Variants in TBC1D22A observed in about 807,000 individuals in gnomAD.
TBC1D22A encodes TBC1 domain family member 22A.
A neutral mutation model predicts 60.2 loss-of-function variants in TBC1D22A; 38 were observed. That is an observed-to-expected ratio of 0.63 (90% CI 0.49 to 0.83). The LOEUF (loss-of-function observed/expected upper bound fraction) is 0.83. Among genes scored for constraint, TBC1D22A ranks in the 40% least tolerant of loss-of-function variants. TBC1D22A has a pLI of 0.00. For synonymous variants in TBC1D22A, 302 were observed against 281.7 expected, an observed-to-expected ratio of 1.07 and a Z score of -0.72; for missense variants, 628 against 701.0, an observed-to-expected ratio of 0.90 and a Z score of 1.18.
chr22:46,805,569 G>A (rs974509460), intron 4 of TBC1D22A, among the ~76,000 whole-genome samples: 1 of 152,178 alleles, frequency 6.6e-6, no homozygotes, highest in Non-Finnish European at 1.5e-5. Flanking sequence ...ACCAGGGCAG[G>A]CGTCTTCTTA....
At chr22:46,883,536 G>A (rs142411177) in intron 5 of TBC1D22A, among the ~76,000 whole-genome samples, 67 of 152,290 alleles carry the variant, frequency 4.4e-4, no homozygotes, top group African/African-American at 1.6e-3. Flanking sequence ...CGATGATGAC[G>A]TGCTTGCCTT....
chr22:46,957,195 T>C (rs183042435), intron 8 of TBC1D22A, among the ~76,000 whole-genome samples: 281 of 152,334 alleles, frequency 1.8e-3, no homozygotes, highest in African/African-American at 6.4e-3. Context: ...CCTCTTCACC[T>C]GGGCATACAG....
intron 4 of TBC1D22A, among the ~76,000 whole-genome samples, chr22:46,836,995 A>T (rs767114821): frequency 1.5e-5 from 1 of 65,752 alleles, no homozygotes; most frequent in African/African-American, 5.0e-5. Context: ...CTTGTCTCCT[A>T]AAAAAAAAAA....
At chr22:47,015,170 T>C (rs907892165) in intron 10 of TBC1D22A, among the ~76,000 whole-genome samples, 10 of 152,186 alleles carry the variant, frequency 6.6e-5, no homozygotes, top group African/African-American at 2.4e-4. Context: ...CAGCAAGTGA[T>C]AGTGTGTGAC....
chr22:47,171,708 G>A (rs1470943943), intron 12 of TBC1D22A, among the ~76,000 whole-genome samples: 3 of 152,202 alleles, frequency 2.0e-5, no homozygotes, highest in African/African-American at 4.8e-5. Context: ...TGTGGATGTG[G>A]GCGTGGTCAT....
chr22:46,864,393 C>A (rs1569147326), intron 4 of TBC1D22A, among the ~76,000 whole-genome samples: 2 of 152,180 alleles, frequency 1.3e-5, no homozygotes, highest in African/African-American at 4.8e-5. Context: ...CCAAAAGGCT[C>A]ATTTAACTCT....
At chr22:47,003,554 A>G in intron 10 of TBC1D22A, among the ~76,000 whole-genome samples, 1 of 145,578 alleles carries the variant, frequency 6.9e-6, no homozygotes, top group Non-Finnish European at 1.5e-5. Flanking sequence ...GCCTGTATAC[A>G]CACACCCTAC....
intron 12 of TBC1D22A, among the ~76,000 whole-genome samples, chr22:47,172,528 C>T (rs562789803): frequency 6.6e-6 from 1 of 152,190 alleles, no homozygotes; most frequent in South Asian, 2.1e-4. Flanking sequence ...ACATGCATGT[C>T]ATTCACCTTT....
chr22:46,970,318 A>C (rs769835162), intron 8 of TBC1D22A, among the ~76,000 whole-genome samples: 15 of 150,698 alleles, frequency 1.0e-4, no homozygotes, highest in Non-Finnish European at 2.1e-4. Context: ...CTCTGCTTTC[A>C]CCTGTGTATT....
intron 4 of TBC1D22A, among the ~76,000 whole-genome samples, chr22:46,869,699 T>A (rs1425056625): frequency 1.3e-5 from 2 of 152,244 alleles, no homozygotes; most frequent in Non-Finnish European, 2.9e-5. Flanking sequence ...CATGTAAGCC[T>A]AAGTGATTGC....
intron 11 of TBC1D22A, among the ~76,000 whole-genome samples, chr22:47,090,687 G>A (rs115496272): frequency 0.022 from 3,318 of 151,264 alleles, 112 homozygotes; most frequent in African/African-American, 0.075. Context: ...GGGTGGCTGC[G>A]TGTTGATAGA....
chr22:47,124,635 G>A (rs2066387529), intron 12 of TBC1D22A, among the ~76,000 whole-genome samples: 1 of 152,256 alleles, frequency 6.6e-6, no homozygotes, highest in Non-Finnish European at 1.5e-5. Context: ...GCCACAGGTG[G>A]CACCGAGGGG....
chr22:47,034,216 C>T (rs989157866), intron 10 of TBC1D22A, among the ~76,000 whole-genome samples: 4 of 152,208 alleles, frequency 2.6e-5, no homozygotes, highest in African/African-American at 4.8e-5. Context: ...TCTGGACCTG[C>T]ACTGCAGCCC....
At chr22:46,996,760 G>A (rs887904841) in intron 9 of TBC1D22A, among the ~76,000 whole-genome samples, 1 of 152,194 alleles carries the variant, frequency 6.6e-6, no homozygotes, top group Non-Finnish European at 1.5e-5. Flanking sequence ...TCATGTTCCT[G>A]CTGTGGGATG....
chr22:47,094,933 C>A (rs1278114548), intron 11 of TBC1D22A, among the ~76,000 whole-genome samples: 1 of 152,134 alleles, frequency 6.6e-6, no homozygotes, highest in African/African-American at 2.4e-5. Context: ...CAGACACATG[C>A]CGATAAGAAT....
chr22:47,093,155 T>C (rs897915598), intron 11 of TBC1D22A, among the ~76,000 whole-genome samples: 5 of 152,168 alleles, frequency 3.3e-5, no homozygotes, highest in African/African-American at 1.2e-4. Context: ...TTTGATTTCA[T>C]CCATAAAGGA....
intron 1 of TBC1D22A, among the ~76,000 whole-genome samples, chr22:46,787,552 C>T (rs2084213369): frequency 6.6e-6 from 1 of 152,174 alleles, no homozygotes; most frequent in Non-Finnish European, 1.5e-5. Context: ...AAAACTGGAG[C>T]TGCGTGCATT....
intron 1 of TBC1D22A, among the ~76,000 whole-genome samples, chr22:46,788,773 C>A (rs918951996): frequency 1.3e-5 from 2 of 152,202 alleles, no homozygotes; most frequent in Admixed American, 6.5e-5. Context: ...TTAGAATTTT[C>A]TTCTGAAATC....
chr22:46,784,886 C>T (rs1002371955), intron 1 of TBC1D22A, among the ~76,000 whole-genome samples: 2 of 152,212 alleles, frequency 1.3e-5, no homozygotes, highest in East Asian at 1.9e-4. Flanking sequence ...GATGAGAAAA[C>T]GAAAACTCAG....
Sources: gnomAD v4.1 joint callset for allele counts (sites outside exome capture counted in the v4.1 genomes callset) on GRCh38, gnomAD v4.1.1 for gene constraint, MANE v1.5 for transcripts, NCBI Gene and HGNC (gene_info 2026-07-23, HGNC 2026-07-21) for gene names.